The following MAN2B2 variants were observed in gnomAD, a reference collection of about 807,000 sequenced individuals.
The protein encoded by MAN2B2 is mannosidase alpha class 2B member 2.
A neutral mutation model predicts 117.1 loss-of-function variants in MAN2B2; 106 were observed. The observed-to-expected ratio is 0.90, with a 90% confidence interval of 0.77 to 1.06. The LOEUF (loss-of-function observed/expected upper bound fraction) is 1.06. Ranked by LOEUF, MAN2B2 falls within the 50% of genes least tolerant of loss-of-function variation. The probability of loss-of-function intolerance (pLI) is 0.00; values close to 1 mark genes in which losing one functional copy is unlikely to be tolerated. For missense variants in MAN2B2, 1,326 were observed against 1,381.4 expected, an observed-to-expected ratio of 0.96 and a Z score of 0.64; for synonymous variants, 544 against 595.1, an observed-to-expected ratio of 0.91 and a Z score of 1.25.
intron 10 of MAN2B2, 78 bp from the exon 11 acceptor site, chr4:6,604,977 C>G: frequency 1.3e-6 from 2 of 1,489,068 alleles, no homozygotes; most frequent in Non-Finnish European, 1.8e-6. Flanking sequence ...ACACTGCTGC[C>G]TCAGCAAGTA....
chr4:6,613,016 C>G (rs1711643400), intron 15 of MAN2B2, among the ~76,000 whole-genome samples: 1 of 152,218 alleles, frequency 6.6e-6, no homozygotes, highest in Non-Finnish European at 1.5e-5. Context: ...TCTGGGGCTG[C>G]TCTCAAAGAG....
chr4:6,579,147 CCACCATCACCAT>C (rs1560634551), intron 3 of MAN2B2, among the ~76,000 whole-genome samples: 7 of 56,724 alleles, frequency 1.2e-4, no homozygotes, highest in Non-Finnish European at 2.4e-4. Flanking sequence ...ACCATCACCA[CCACCATCACCAT>C]CACCACCACC....
At position 6,611,085 on chromosome 4, in the gene MAN2B2, G is replaced by A. The variant is rs769347193; in HGVS notation, c.2371-1G>A. ...GCCTCTCGGACAATGCCTTCCCGCA[G>A]GTCATGCTCCACCGGCGGCTGTGGA... On this transcript the variant is annotated splice_acceptor_variant, in intron 14 of 18. Transcript: ENST00000285599. LOFTEE classifies it high-confidence loss of function. The A allele has an allele frequency of 6.2e-7, 1 of 1,612,842 alleles. No individual in the cohort carries two copies. Among genetic ancestry groups the A allele is most frequent in the African/African-American group, 1.3e-5 (1 of 74,908 alleles).
chr4:6,583,767 G>A (rs1025109043), intron 3 of MAN2B2, among the ~76,000 whole-genome samples: 2 of 152,202 alleles, frequency 1.3e-5, no homozygotes, highest in Non-Finnish European at 2.9e-5. Flanking sequence ...GGCACGTGAA[G>A]GTCAAGTGCT....
chr4:6,604,916 C>T (rs1560654932), intron 10 of MAN2B2, 139 bp from the exon 11 acceptor site: 3 of 1,058,030 alleles, frequency 2.8e-6, no homozygotes, highest in Non-Finnish European at 4.1e-6. Context: ...GGGGAGAAAG[C>T]CAGAACTGGG....
intron 9 of MAN2B2, among the ~76,000 whole-genome samples, chr4:6,599,679 A>T (rs2108747326): frequency 6.6e-6 from 1 of 152,090 alleles, no homozygotes; most frequent in East Asian, 1.9e-4. Context: ...AAAAAAAAAA[A>T]AAAAGTTCTG....
intron 3 of MAN2B2, among the ~76,000 whole-genome samples, chr4:6,579,061 C>A (rs1577269213): frequency 2.4e-5 from 2 of 83,742 alleles, no homozygotes; most frequent in East Asian, 7.0e-4. Flanking sequence ...TCACCACCAC[C>A]ATCACCATCA....
At position 6,601,067 on chromosome 4, in the gene MAN2B2, G is replaced by A. The variant is rs139983137; in HGVS notation, c.1539+311G>A. On this transcript the variant is annotated intron_variant, in intron 10 of 18. Coordinates refer to ENST00000285599, the MANE Select transcript of MAN2B2 (RefSeq NM_015274.3). The stretch of plus-strand genomic sequence containing the variant: ...CTAATTTCAGACACCAGCCACAAAT[G>A]GGGTTCCTGGGCTACCACACTTGTG... 3.9e-5 allele frequency among the ~76,000 whole-genome samples: 6 copies of A among 152,276 alleles called. 1 individual carries two copies. The highest frequency in any genetic ancestry group is 2.0e-4 in the Admixed American group (3 of 15,292).
At chr4:6,610,301 C>T (rs548687626) in intron 13 of MAN2B2, among the ~76,000 whole-genome samples, 129 of 152,172 alleles carry the variant, frequency 8.5e-4, no homozygotes, top group Non-Finnish European at 1.5e-3. Flanking sequence ...GGATTACAGC[C>T]GCCTGCCACC....
At position 6,594,090 on chromosome 4, in the gene MAN2B2, A is replaced by G. The variant is rs573450634; in HGVS notation, c.859-444A>G. On this transcript the variant is annotated intron_variant, in intron 6 of 18. Coordinates refer to ENST00000285599, the MANE Select transcript of MAN2B2 (RefSeq NM_015274.3). The stretch of plus-strand genomic sequence containing the variant: ...TGTTATTAATCATTATATTAATTAT[A>G]ATAATTAATAATCATTAATTATAAT... Among the ~76,000 whole-genome samples, 7 of 152,134 alleles carry G rather than the reference A, an allele frequency of 4.6e-5. No individual in the cohort carries two copies. The South Asian group carries it at 1.5e-3, about 32-fold the overall frequency.
At chr4:6,579,882 G>A (rs951184713) in intron 3 of MAN2B2, among the ~76,000 whole-genome samples, 1 of 152,242 alleles carries the variant, frequency 6.6e-6, no homozygotes, top group Non-Finnish European at 1.5e-5. Context: ...GCGGGCTGAT[G>A]GTGAGGCATG....
intron 16 of MAN2B2, among the ~76,000 whole-genome samples, chr4:6,616,570 C>T (rs1444486367): frequency 2.6e-5 from 4 of 152,182 alleles, no homozygotes; most frequent in Admixed American, 2.0e-4. Flanking sequence ...TCCTCACTCA[C>T]CATGGCAAGA....
intron 16 of MAN2B2, among the ~76,000 whole-genome samples, chr4:6,615,573 G>A (rs1711824289): frequency 6.6e-6 from 1 of 152,152 alleles, no homozygotes; most frequent in South Asian, 2.1e-4. Flanking sequence ...GAGGTAGCAG[G>A]ATCACTTCAG....
Position 6,619,968 on chromosome 4 carries a change from G to A in MAN2B2, c.2856G>A (p.Glu952=), listed in dbSNP as rs779571371. Residue 952 remains glutamate, a synonymous_variant, in exon 18 of 19, where the codon GAG becomes GAA. Transcript: ENST00000285599. The part of the protein sequence containing the change: ...QALGSVVAVE[E]RSLTGTWDLS... ...TGGGGTCCGTGGTGGCAGTGGAGGA[G>A]CGCTCGCTCACAGGGACCTGGGATT... 6.2e-6 allele frequency: 10 copies of A among 1,613,990 alleles called. No homozygotes were observed. The highest frequency in any genetic ancestry group is 8.5e-6 in the Non-Finnish European group (10 of 1,179,992).
chr4:6,592,826 A>G (rs940995134), intron 5 of MAN2B2, among the ~76,000 whole-genome samples: 2 of 152,106 alleles, frequency 1.3e-5, no homozygotes, highest in Non-Finnish European at 2.9e-5. Flanking sequence ...GGTTTTTTGC[A>G]TTAATTTTCA....
rs537023819 is a variant in MAN2B2, at chr4:6,596,841, C to T, written c.1058-272C>T. On this transcript the variant is annotated intron_variant, in intron 7 of 18. Coordinates refer to ENST00000285599, the MANE Select transcript of MAN2B2 (RefSeq NM_015274.3). ...CTTGCCTCCGATCAGGATCCTTCAG[C>T]ACCCCACCCCACCTGCCCCAGTGCA... 3.9e-5 allele frequency among the ~76,000 whole-genome samples: 6 copies of T among 152,322 alleles called. No homozygotes were observed. In the South Asian group the frequency reaches 1.2e-3, roughly 32 times the overall value.
At chr4:6,600,397 C>T (rs75061772) in intron 9 of MAN2B2, among the ~76,000 whole-genome samples, 4,579 of 152,294 alleles carry the variant, frequency 0.03, 110 homozygotes, top group African/African-American at 0.07. Context: ...CCTTATGTTC[C>T]GAGCCCCTCC....
chr4:6,579,162 C>T (rs59643275), intron 3 of MAN2B2, among the ~76,000 whole-genome samples: 6,100 of 56,434 alleles, frequency 0.11, 541 homozygotes, highest in Admixed American at 0.16. Flanking sequence ...ATCACCATCA[C>T]CACCACCACC....
chr4:6,593,800 C>T (rs1236223829), intron 6 of MAN2B2, among the ~76,000 whole-genome samples: 3 of 152,222 alleles, frequency 2.0e-5, no homozygotes, highest in Non-Finnish European at 4.4e-5. Flanking sequence ...TGGGCACTGC[C>T]CCGTGGGATA....
Sources: gnomAD v4.1 joint callset for allele counts (sites outside exome capture counted in the v4.1 genomes callset) on GRCh38, gnomAD v4.1.1 for gene constraint, MANE v1.5 for transcripts, NCBI Gene and HGNC (gene_info 2026-07-23, HGNC 2026-07-21) for gene names.